The following ARL15 variants were observed in gnomAD, a reference collection of about 807,000 sequenced individuals.
ARL15 encodes the protein ARF like GTPase 15, also known as ADP-ribosylation factor-like protein 15.
ARL15 carries 19 observed loss-of-function variants against 25.2 expected under a neutral mutation model. The observed-to-expected ratio is 0.75, with a 90% CI of 0.53 to 1.10. ARL15 has a LOEUF of 1.10. Among genes scored for constraint, ARL15 ranks in the 50% least tolerant of loss-of-function variants. ARL15 has a pLI of 0.00. For missense variants in ARL15, 220 were observed against 246.0 expected, an observed-to-expected ratio of 0.89 and a Z score of 0.71; for synonymous variants, 94 against 86.8, an observed-to-expected ratio of 1.08 and a Z score of -0.46.
rs1230495696 is a variant in ARL15, at chr5:54,171,797, G to A, written c.180C>T (p.Val60=). 5 of 1,612,590 alleles carry A rather than the reference G, an allele frequency of 3.1e-6. No individual in the cohort carries two copies. In the African/African-American group the frequency reaches 4.0e-5, roughly 13 times the overall value. The change falls in exon 2 of 5, where the codon GTC becomes GTT. Residue 60 remains valine, a synonymous_variant. Coordinates refer to ENST00000504924, the MANE Select transcript of ARL15 (RefSeq NM_019087.3). ...CACAGTACCCACCTGTGGTCGACAC[G>A]ACGTTATCGGGGCTTTCACTGCAGA... ...SKLCSESPDN[V]VSTTGFSIKA...
chr5:53,974,284 G>A (rs2112192968), intron 4 of ARL15, among the ~76,000 whole-genome samples: 1 of 152,322 alleles, frequency 6.6e-6, no homozygotes, highest in South Asian at 2.1e-4. Context: ...AAGTGCCTGG[G>A]AGTGTCAATT....
intron 4 of ARL15, among the ~76,000 whole-genome samples, chr5:54,036,966 T>A (rs1218178934): frequency 2.0e-5 from 3 of 152,120 alleles, no homozygotes; most frequent in African/African-American, 7.2e-5. Context: ...TCATCATATA[T>A]AAGGAAGAAT....
At chr5:53,996,103 T>A (rs958256858) in intron 4 of ARL15, among the ~76,000 whole-genome samples, 1 of 152,192 alleles carries the variant, frequency 6.6e-6, no homozygotes, top group African/African-American at 2.4e-5. Context: ...CAGGCAGATG[T>A]TCAGGAGAAT....
intron 4 of ARL15, among the ~76,000 whole-genome samples, chr5:54,070,892 GGT>G (rs1751397730): frequency 6.6e-6 from 1 of 151,958 alleles, no homozygotes; most frequent in African/African-American, 2.4e-5. Context: ...TTCTTGGCCA[GGT>G]GCAATGGCTC....
intron 1 of ARL15, among the ~76,000 whole-genome samples, chr5:54,173,195 A>AAAG (rs1339350778): frequency 2.0e-5 from 3 of 150,168 alleles, no homozygotes; most frequent in African/African-American, 4.9e-5. Flanking sequence ...GAAAAAAAAA[A>AAAG]AAAAGAAAAG....
At chr5:53,929,170 C>CAAAAAAAAAAAAAAAAAAAA (rs3990747) in intron 4 of ARL15, among the ~76,000 whole-genome samples, 1 of 142,244 alleles carries the variant, frequency 7.0e-6, no homozygotes. Flanking sequence ...AAATAAGTTC[C>CAAAAAAAAAAAAAAAAAAAA]AAAAAAAAAA....
intron 1 of ARL15, among the ~76,000 whole-genome samples, chr5:54,197,958 G>T (rs1176711336): frequency 6.6e-6 from 1 of 151,824 alleles, no homozygotes; most frequent in Non-Finnish European, 1.5e-5. Flanking sequence ...TGATCAAGTG[G>T]GCTTCATCCC....
intron 1 of ARL15, among the ~76,000 whole-genome samples, chr5:54,205,251 T>C (rs1027041252): frequency 6.6e-6 from 1 of 152,140 alleles, no homozygotes; most frequent in African/African-American, 2.4e-5. Context: ...CTGGGAGGTA[T>C]ACACTTTACA....
intron 4 of ARL15, among the ~76,000 whole-genome samples, chr5:54,094,438 C>A (rs1167659797): frequency 1.6e-4 from 24 of 147,564 alleles, no homozygotes; most frequent in Middle Eastern, 3.6e-3. Flanking sequence ...AAAAAAAAAA[C>A]CAGTAATGAT....
chr5:54,032,835 C>A (rs1750034475), intron 4 of ARL15, among the ~76,000 whole-genome samples: 1 of 151,890 alleles, frequency 6.6e-6, no homozygotes. Context: ...TTCTGATGGC[C>A]CAAATTTTCT....
intron 1 of ARL15, among the ~76,000 whole-genome samples, chr5:54,212,626 A>C (rs1756075878): frequency 6.6e-6 from 1 of 152,224 alleles, no homozygotes; most frequent in Non-Finnish European, 1.5e-5. Context: ...ATAAATGGCT[A>C]TTGGGTGTAC....
At position 54,092,079 on chromosome 5, in the gene ARL15, C is replaced by T. The variant is rs1046787899; in HGVS notation, c.462+21123G>A. ...ACACACACACACACACACACCACCA[C>T]CACCACCACCATCACCAGGATATGG... On this transcript the variant is annotated intron_variant, in intron 4 of 4. Transcript: ENST00000504924. Among the ~76,000 whole-genome samples, 5 of 152,106 alleles carry T rather than the reference C, an allele frequency of 3.3e-5. No individual in the cohort carries two copies. In the East Asian group the frequency reaches 7.8e-4, roughly 24 times the overall value.
At chr5:54,077,555 C>G (rs565930332) in intron 4 of ARL15, among the ~76,000 whole-genome samples, 75 of 152,198 alleles carry the variant, frequency 4.9e-4, no homozygotes, top group African/African-American at 1.8e-3. Flanking sequence ...AGCCATTATA[C>G]GGGGAAACAT....
intron 4 of ARL15, among the ~76,000 whole-genome samples, chr5:54,079,309 C>A (rs6896454): frequency 0.081 from 12,292 of 152,130 alleles, 624 homozygotes; most frequent in African/African-American, 0.11. Context: ...AATCACCCAA[C>A]CCAATAACCA....
chr5:54,236,682 C>T (rs898221407), intron 1 of ARL15, among the ~76,000 whole-genome samples: 3 of 152,216 alleles, frequency 2.0e-5, no homozygotes, highest in Non-Finnish European at 4.4e-5. Flanking sequence ...GCCAGTGTTT[C>T]ACTCTCTAAT....
chr5:54,054,721 C>T (rs763689254), intron 4 of ARL15, among the ~76,000 whole-genome samples: 63 of 152,068 alleles, frequency 4.1e-4, no homozygotes, highest in Non-Finnish European at 8.1e-4. Context: ...ACCCAGAAGG[C>T]GGAGCTTGCA....
rs572598373 is a variant in ARL15 at position 54,061,465 on chromosome 5, C to A, written c.462+51737G>T. 2.0e-5 allele frequency among the ~76,000 whole-genome samples: 3 copies of A among 152,156 alleles called. No homozygotes were observed. In the South Asian group the frequency reaches 6.2e-4, roughly 32 times the overall value. On this transcript the variant is annotated intron_variant, in intron 4 of 4. Transcript: ENST00000504924. ...TCACTACTAAAAAATACAAAACTAC[C>A]TGGGCATGGTGGTGTATGCCTGTAA...
intron 4 of ARL15, among the ~76,000 whole-genome samples, chr5:53,899,308 A>G (rs1002752665): frequency 7.4e-6 from 1 of 135,304 alleles, no homozygotes; most frequent in African/African-American, 2.8e-5. Flanking sequence ...GGATCATGCC[A>G]CTGCAGTCCA....
At chr5:54,171,963 A>G in intron 1 of ARL15, 35 bp from the exon 2 acceptor site, 1 of 1,600,150 alleles carries the variant, frequency 6.2e-7, no homozygotes, top group South Asian at 1.1e-5. Flanking sequence ...GTTCCTTTAA[A>G]TGACAGTATG....
Sources: allele counts gnomAD v4.1 joint callset (sites outside exome capture counted in the v4.1 genomes callset), GRCh38; gene constraint gnomAD v4.1.1; transcripts MANE v1.5; gene names NCBI Gene and HGNC (gene_info 2026-07-23, HGNC 2026-07-21).